COL22A1: variants seen among roughly 807,000 people sequenced by gnomAD.
COL22A1 encodes the protein collagen alpha-1(XXII) chain.
Under a neutral mutation model 248.9 loss-of-function variants are expected in COL22A1, and 221 were observed. The ratio of observed to expected loss-of-function variants is 0.89; its 90% CI spans 0.80 to 0.99. The LOEUF (loss-of-function observed/expected upper bound fraction) is 0.99, where lower values mean the gene tolerates loss of function less well. Among genes scored for constraint, COL22A1 ranks in the 50% least tolerant of loss-of-function variants. The pLI, the probability that COL22A1 is intolerant of heterozygous loss-of-function variation, is 0.00. For missense variants in COL22A1, 2,240 were observed against 2,179.0 expected (o/e 1.03, Z -0.56); for synonymous variants, 891 against 793.4 (o/e 1.12, Z -2.07).
At chr8:138,675,476 T>G (rs1825435324) in intron 41 of COL22A1, among the ~76,000 whole-genome samples, 1 of 152,210 alleles carries the variant, frequency 6.6e-6, no homozygotes. Context: ...TCCAGTTGCA[T>G]TTAATAAAGA....
At chr8:138,815,052 G>A (rs1818565203) in intron 7 of COL22A1, among the ~76,000 whole-genome samples, 1 of 152,108 alleles carries the variant, frequency 6.6e-6, no homozygotes, top group Admixed American at 6.6e-5. Flanking sequence ...CTATAAACGG[G>A]AGCTCCCTTG....
intron 10 of COL22A1, among the ~76,000 whole-genome samples, chr8:138,806,168 TG>T (rs1375090111): frequency 9.7e-5 from 1 of 10,276 alleles, no homozygotes; most frequent in East Asian, 3.3e-3. Flanking sequence ...GTGTGTGTGA[TG>T]GTGTAAGTAA....
At chr8:138,661,970 C>T (rs11780732) in intron 43 of COL22A1, 60 bp downstream of exon 43, 947,820 of 1,315,148 alleles carry the variant, frequency 0.72, 348,252 homozygotes, top group Non-Finnish European at 0.76. Flanking sequence ...TGGTGGAGGG[C>T]GGGCTTTCAG....
intron 18 of COL22A1, among the ~76,000 whole-genome samples, chr8:138,757,771 G>T (rs1010885370): frequency 1.3e-5 from 2 of 152,238 alleles, no homozygotes; most frequent in African/African-American, 4.8e-5. Flanking sequence ...TCCAAGGTCA[G>T]AAGTCTAGTA....
chr8:138,802,643 G>C lies in COL22A1; in HGVS notation c.1557+229C>G, dbSNP rs113168183. The stretch of plus-strand genomic sequence containing the variant: ...TGATGATTCAAAGCACAGAATTCTG[G>C]TTATGGGGTGGCAAGAGACAAGGCT... On this transcript the variant is annotated intron_variant, in intron 11 of 64. Transcript: ENST00000303045. Among the ~76,000 whole-genome samples the C allele has an allele frequency of 5.5e-3, 830 of 152,242 alleles. 10 individuals are homozygous for C. The highest frequency in any genetic ancestry group is 0.019 in the African/African-American group (789 of 41,534).
chr8:138,653,904 A>G (rs1822977488), intron 45 of COL22A1, among the ~76,000 whole-genome samples: 1 of 152,158 alleles, frequency 6.6e-6, no homozygotes, highest in South Asian at 2.1e-4. Context: ...GCTGTTGACT[A>G]TAGAATTTCC....
chr8:138,664,806 A>C (rs916933512), intron 41 of COL22A1, among the ~76,000 whole-genome samples: 9 of 152,202 alleles, frequency 5.9e-5, no homozygotes, highest in African/African-American at 2.2e-4. Context: ...GCACGAGGAG[A>C]ACTTGAGAAT....
At chr8:138,663,241 G>A (rs1322588129) in intron 42 of COL22A1, among the ~76,000 whole-genome samples, 1 of 152,162 alleles carries the variant, frequency 6.6e-6, no homozygotes, top group Non-Finnish European at 1.5e-5. Context: ...AAGGCTGACT[G>A]AGAGCCCTCC....
At chr8:138,676,454 A>AAAGGAAGGAAGG (rs1554744069) in intron 41 of COL22A1, 104 bp downstream of exon 41, 31 of 415,988 alleles carry the variant, frequency 7.5e-5, no homozygotes, top group African/African-American at 4.6e-4. Flanking sequence ...AGAAAGAAAG[A>AAAGGAAGGAAGG]AAGGAAGAAA....
In COL22A1 at chr8:138,905,359, T is replaced by G. The variant is rs1009080153; in HGVS notation, c.-73+8260A>C. On this transcript the variant is annotated intron_variant, in intron 1 of 64. Transcript: ENST00000303045. ...ACTCACTACTTTGCAAGACGGTAAG[T>G]GCATCTCAGAATTCTAAAGTGTTGG... Among the ~76,000 whole-genome samples the G allele has an allele frequency of 3.3e-5, 5 of 152,208 alleles. No homozygotes were observed. In the South Asian group the frequency reaches 6.2e-4, roughly 19 times the overall value.
At chr8:138,839,683 A>G (rs992724604) in intron 4 of COL22A1, among the ~76,000 whole-genome samples, 1 of 152,118 alleles carries the variant, frequency 6.6e-6, no homozygotes, top group African/African-American at 2.4e-5. Context: ...TTTAGAAGGT[A>G]TCATGGGCAG....
chr8:138,618,889 T>C (rs550092203), intron 53 of COL22A1, among the ~76,000 whole-genome samples: 68 of 152,344 alleles, frequency 4.5e-4, no homozygotes, highest in African/African-American at 1.4e-3. Flanking sequence ...TGTTTATATG[T>C]ATAATAGCTA....
At chr8:138,750,574 C>T (rs1295478159) in intron 22 of COL22A1, among the ~76,000 whole-genome samples, 3 of 152,132 alleles carry the variant, frequency 2.0e-5, no homozygotes, top group Non-Finnish European at 4.4e-5. Flanking sequence ...CTAAGAGAGG[C>T]CATACGTGGA....
At chr8:138,700,704 G>A (rs146903896) in intron 31 of COL22A1, among the ~76,000 whole-genome samples, 96 of 152,344 alleles carry the variant, frequency 6.3e-4, no homozygotes, top group African/African-American at 2.2e-3. Context: ...TTAAGGCTAG[G>A]TCGGGCGCGG....
At chr8:138,901,366 T>TG (rs1554660889) in intron 1 of COL22A1, among the ~76,000 whole-genome samples, 1 of 38,418 alleles carries the variant, frequency 2.6e-5, no homozygotes, top group Non-Finnish European at 8.5e-5. Context: ...AGGTTTTTTT[T>TG]TTGTTTTTTT....
chr8:138,602,024 C>G lies in COL22A1; in HGVS notation c.4185+91G>C, dbSNP rs76028584. The G allele has an allele frequency of 2.3e-3, 3,196 of 1,407,772 alleles. 58 individuals are homozygous for G. In the African/African-American group the frequency reaches 0.039, roughly 17 times the overall value. The allele number at this position is 1,407,772 out of a possible 1,614,324, so 87.2% of individuals were successfully genotyped here. On this transcript the variant is annotated intron_variant, in intron 60 of 64. Transcript: ENST00000303045. The stretch of plus-strand genomic sequence containing the variant: ...CATGATCCAGGCGGGTGTTTACTAA[C>G]TGCCTTGGACAAAGGCCAGGCTCAA...
chr8:138,675,338 T>C (rs1376231908), intron 41 of COL22A1, among the ~76,000 whole-genome samples: 3 of 152,190 alleles, frequency 2.0e-5, no homozygotes, highest in African/African-American at 2.4e-5. Context: ...TAAGTTGGAT[T>C]TTCCTTCTTA....
rs148594998 is a variant in COL22A1 at position 138,589,275 on chromosome 8, G to A, written c.4859C>T (p.Pro1620Leu). 1.3e-4 allele frequency: 204 copies of A among 1,613,772 alleles called. No homozygotes were observed. The highest frequency in any genetic ancestry group is 4.0e-4 in the Admixed American group (24 of 59,982). The change falls in exon 65 of 65, where the codon CCG becomes CTG. Residue 1620 changes from proline (P) to leucine (L), a missense_variant. Transcript: ENST00000303045. ...CCTTTAGGGACCCTTCACATTACCC[G>A]GCCGGGCAGCAAGGCTGGCGAAGTA... is the stretch of plus-strand genomic sequence containing the variant. ...CAYFASLAARPGNVKGP is the reference protein window; with the variant it reads ...CAYFASLAARLGNVKGP
intron 41 of COL22A1, among the ~76,000 whole-genome samples, chr8:138,668,947 AG>A (rs1156675452): frequency 3.9e-5 from 6 of 152,216 alleles, no homozygotes; most frequent in African/African-American, 1.4e-4. Context: ...GGTAGAGAAG[AG>A]GATGAGGCAG....
Sources: gnomAD v4.1 joint callset for allele counts (sites outside exome capture counted in the v4.1 genomes callset) on GRCh38, gnomAD v4.1.1 for gene constraint, MANE v1.5 for transcripts, NCBI Gene and HGNC (gene_info 2026-07-23, HGNC 2026-07-21) for gene names.